The following TNR variants were observed in gnomAD, a reference collection of about 807,000 sequenced individuals.
The protein encoded by TNR is tenascin R.
In TNR, 45 loss-of-function variants were observed where a neutral mutation model predicts 150.4. That is an observed-to-expected ratio of 0.30 (90% CI 0.24 to 0.38). The LOEUF (loss-of-function observed/expected upper bound fraction) is 0.38, where lower values mean the gene tolerates loss of function less well. Among genes scored for constraint, TNR ranks in the 10% least tolerant of loss-of-function variants. The probability of loss-of-function intolerance (pLI) is 1.00; values close to 1 mark genes in which losing one functional copy is unlikely to be tolerated. For synonymous variants in TNR, 687 were observed against 678.4 expected (o/e 1.01, Z -0.20); for missense variants, 1,544 against 1,759.1 (o/e 0.88, Z 2.19).
chr1:175,477,557 C>T (rs1425534733), intron 2 of TNR, among the ~76,000 whole-genome samples: 1 of 152,148 alleles, frequency 6.6e-6, no homozygotes, highest in African/African-American at 2.4e-5. Flanking sequence ...GACCTGGCTC[C>T]CTGCCCTGTG....
intron 1 of TNR, among the ~76,000 whole-genome samples, chr1:175,634,866 C>T (rs983531943): frequency 1.3e-5 from 2 of 152,156 alleles, no homozygotes; most frequent in African/African-American, 4.8e-5. Flanking sequence ...TTATTACCAA[C>T]CGCCCCCTCA....
chr1:175,510,370 GA>G (rs57853038), intron 2 of TNR, among the ~76,000 whole-genome samples: 61,158 of 148,194 alleles, frequency 0.41, 12,662 homozygotes, highest in East Asian at 0.59. Flanking sequence ...CCAAAGCAAA[GA>G]AAAAAAAAAA....
chr1:175,491,656 T>A (rs1658256577), intron 2 of TNR, among the ~76,000 whole-genome samples: 1 of 142,264 alleles, frequency 7.0e-6, no homozygotes, highest in African/African-American at 2.7e-5. Flanking sequence ...TTTTTTTTTT[T>A]TTTTTTTTTT....
rs187137677 is a variant in TNR, at chr1:175,374,370, G to A, written c.1963+5182C>T. On this transcript the variant is annotated intron_variant, in intron 9 of 22. Coordinates refer to ENST00000367674, the MANE Select transcript of TNR (RefSeq NM_003285.3). Reference sequence around the variant, plus strand: ...GCAGGCATCAGCCTAGCGTGTGTGAGTGTGTGTACGTGTGAGGGTATGTGA... The same window carrying A: ...GCAGGCATCAGCCTAGCGTGTGTGAATGTGTGTACGTGTGAGGGTATGTGA... Among the ~76,000 whole-genome samples, 9 of 152,334 alleles carry A rather than the reference G, an allele frequency of 5.9e-5. No individual in the cohort carries two copies. The East Asian group carries it at 7.7e-4, about 13-fold the overall frequency.
intron 2 of TNR, among the ~76,000 whole-genome samples, chr1:175,480,831 T>A (rs1657776279): frequency 6.6e-6 from 1 of 152,188 alleles, no homozygotes; most frequent in Non-Finnish European, 1.5e-5. Context: ...CCCCCCTGCC[T>A]TTTTTAGCTC....
chr1:175,595,633 T>C (rs1325577036), intron 1 of TNR, among the ~76,000 whole-genome samples: 1 of 152,202 alleles, frequency 6.6e-6, no homozygotes, highest in Non-Finnish European at 1.5e-5. Flanking sequence ...ATCTTTTCTG[T>C]TTTAAGTCTA....
At chr1:175,543,091 TG>T (rs1660564907) in intron 1 of TNR, among the ~76,000 whole-genome samples, 1 of 152,092 alleles carries the variant, frequency 6.6e-6, no homozygotes, top group Admixed American at 6.6e-5. Context: ...GGCCCCAAAT[TG>T]TCATTTTGCA....
chr1:175,480,420 AAAG>A (rs953321734), intron 2 of TNR, among the ~76,000 whole-genome samples: 25 of 46,086 alleles, frequency 5.4e-4, no homozygotes, highest in Non-Finnish European at 9.4e-4. Flanking sequence ...AAGAAAGAAA[AAAG>A]AAAGAAAGAA....
Position 175,393,764 on chromosome 1 carries a change from A to G in TNR, c.1356+16T>C, listed in dbSNP as rs1653289141. ...TCCAAATAAGTCTGTTTGGCAGTGT[A>G]ACAGGTGAGTGTTACCTTTGGAATG... is the stretch of plus-strand genomic sequence containing the variant. On this transcript the variant is annotated intron_variant, in intron 6 of 22. Transcript: ENST00000367674. The G allele has an allele frequency of 6.3e-7, 1 of 1,591,080 alleles. No homozygotes were observed. Among genetic ancestry groups the G allele is most frequent in the Admixed American group, 1.7e-5 (1 of 59,988 alleles).
At chr1:175,422,859 A>G (rs1311851806) in intron 2 of TNR, among the ~76,000 whole-genome samples, 1 of 152,154 alleles carries the variant, frequency 6.6e-6, no homozygotes, top group Non-Finnish European at 1.5e-5. Context: ...AAATGGAGTG[A>G]TCTTTGGCCT....
At chr1:175,448,508 C>T (rs759828873) in intron 2 of TNR, among the ~76,000 whole-genome samples, 10 of 152,094 alleles carry the variant, frequency 6.6e-5, no homozygotes, top group East Asian at 1.9e-4. Context: ...CTGTGCCCGG[C>T]GCCTTCAGGG....
At chr1:175,463,441 C>T (rs1188720402) in intron 2 of TNR, among the ~76,000 whole-genome samples, 3 of 152,212 alleles carry the variant, frequency 2.0e-5, no homozygotes, top group Admixed American at 6.5e-5. Context: ...ATGCAACATC[C>T]AGGAATAAGG....
rs2102031142 is a variant in TNR at position 175,386,291 on chromosome 1, G to A, written c.1518C>T (p.Gly506=). 1.3e-6 allele frequency: 2 copies of A among 1,565,788 alleles called. No homozygotes were observed. Among genetic ancestry groups the A allele is most frequent in the Admixed American group, 1.8e-5 (1 of 56,100 alleles). ...CATCGCGAACCAGGATCTGCGTGGG[G>A]CCGTCAATGACTGAGTGAGAAGGAT... ...TSASVSTVID[G]PTQILVRDVS... is the part of the protein sequence containing the mutation. The change falls in exon 8 of 23, where the codon GGC becomes GGT. Residue 506 remains glycine, a synonymous_variant. Coordinates refer to ENST00000367674, the MANE Select transcript of TNR (RefSeq NM_003285.3).
At chr1:175,504,689 GA>G (rs1658879390) in intron 2 of TNR, among the ~76,000 whole-genome samples, 2 of 152,280 alleles carry the variant, frequency 1.3e-5, no homozygotes, top group South Asian at 4.1e-4. Flanking sequence ...CTTCCATAAG[GA>G]AAAGGTTTAG....
chr1:175,431,231 G>A (rs770886757), intron 2 of TNR, among the ~76,000 whole-genome samples: 1 of 152,146 alleles, frequency 6.6e-6, no homozygotes, highest in Non-Finnish European at 1.5e-5. Context: ...ATCCGAACCT[G>A]AATCCTTTCC....
At chr1:175,569,107 G>A (rs567458497) in intron 1 of TNR, among the ~76,000 whole-genome samples, 155 of 152,196 alleles carry the variant, frequency 1.0e-3, no homozygotes, top group Non-Finnish European at 1.7e-3. Context: ...AAGCCGATAA[G>A]TTAACCCTCT....
At chr1:175,722,550 T>A (rs1028346184) in intron 1 of TNR, among the ~76,000 whole-genome samples, 1 of 152,026 alleles carries the variant, frequency 6.6e-6, no homozygotes, top group Non-Finnish European at 1.5e-5. Context: ...ATGCAACCTC[T>A]GCCTCCTAGG....
intron 2 of TNR, among the ~76,000 whole-genome samples, chr1:175,407,956 A>G (rs1338257182): frequency 6.6e-6 from 1 of 152,222 alleles, no homozygotes; most frequent in Non-Finnish European, 1.5e-5. Flanking sequence ...AGATCTTCCC[A>G]GGAATATCGC....
At chr1:175,721,771 C>T (rs984403553) in intron 1 of TNR, among the ~76,000 whole-genome samples, 2 of 152,114 alleles carry the variant, frequency 1.3e-5, no homozygotes, top group African/African-American at 4.8e-5. Flanking sequence ...AGAGCAAGTT[C>T]TTCCCAGAGG....
Sources: gnomAD v4.1 joint callset for allele counts (sites outside exome capture counted in the v4.1 genomes callset) on GRCh38, gnomAD v4.1.1 for gene constraint, MANE v1.5 for transcripts, NCBI Gene and HGNC (gene_info 2026-07-23, HGNC 2026-07-21) for gene names.